RBMS1: variants seen among roughly 807,000 people sequenced by gnomAD.
RBMS1 encodes RNA binding motif single stranded interacting protein 1, also known as RNA-binding motif, single-stranded-interacting protein 1.
Under a neutral mutation model 62.3 loss-of-function variants are expected in RBMS1, and 17 were observed. The observed-to-expected ratio is 0.27, with a 90% CI of 0.19 to 0.41. The LOEUF is 0.41. Among genes scored for constraint, RBMS1 ranks in the 10% least tolerant of loss-of-function variants. The probability of loss-of-function intolerance (pLI) is 1.00; values close to 1 mark genes in which losing one functional copy is unlikely to be tolerated. For missense variants in RBMS1, 334 were observed against 504.5 expected (o/e 0.66, Z 3.24); for synonymous variants, 172 against 170.0 (o/e 1.01, Z -0.09).
chr2:160,381,686 GAA>G (rs1694293101), intron 1 of RBMS1, among the ~76,000 whole-genome samples: 1 of 152,170 alleles, frequency 6.6e-6, no homozygotes, highest in South Asian at 2.1e-4. Flanking sequence ...GTTTGATAGA[GAA>G]CTACTCTATG....
chr2:160,287,923 T>A (rs1688487768), intron 6 of RBMS1, among the ~76,000 whole-genome samples: 1 of 150,452 alleles, frequency 6.6e-6, no homozygotes, highest in Admixed American at 6.6e-5. Flanking sequence ...CTATATTACT[T>A]ATAATATATA....
At chr2:160,352,818 G>A (rs1392437156) in intron 2 of RBMS1, among the ~76,000 whole-genome samples, 1 of 152,024 alleles carries the variant, frequency 6.6e-6, no homozygotes, top group Admixed American at 6.6e-5. Context: ...TGCCTACCGC[G>A]TTGCATCATG....
chr2:160,436,103 A>G (rs980161724), intron 1 of RBMS1, among the ~76,000 whole-genome samples: 4 of 152,232 alleles, frequency 2.6e-5, no homozygotes, highest in African/African-American at 9.6e-5. Flanking sequence ...TAACTGTGAT[A>G]GATAATCTCC....
intron 1 of RBMS1, among the ~76,000 whole-genome samples, chr2:160,443,055 A>T (rs1683476591): frequency 6.6e-6 from 1 of 151,932 alleles, no homozygotes; most frequent in Non-Finnish European, 1.5e-5. Context: ...AAAATACAAA[A>T]ATTAGCCGGG....
chr2:160,436,957 C>G (rs978550630), intron 1 of RBMS1, among the ~76,000 whole-genome samples: 1 of 152,066 alleles, frequency 6.6e-6, no homozygotes, highest in Admixed American at 6.5e-5. Context: ...GGTCTTTATA[C>G]AGAAATTTGA....
chr2:160,356,242 G>A (rs1287229236), intron 2 of RBMS1, among the ~76,000 whole-genome samples: 1 of 152,010 alleles, frequency 6.6e-6, no homozygotes, highest in Admixed American at 6.6e-5. Context: ...ATGCTAAAAG[G>A]GATTATTTTG....
At chr2:160,376,032 C>T (rs1456936162) in intron 1 of RBMS1, among the ~76,000 whole-genome samples, 1 of 152,134 alleles carries the variant, frequency 6.6e-6, no homozygotes, top group African/African-American at 2.4e-5. Flanking sequence ...ACAACTTCCT[C>T]CCAGCTGTTT....
At chr2:160,392,561 T>A (rs1694921739) in intron 1 of RBMS1, among the ~76,000 whole-genome samples, 1 of 152,062 alleles carries the variant, frequency 6.6e-6, no homozygotes, top group South Asian at 2.1e-4. Flanking sequence ...TTGTCAATAA[T>A]CCCAATTCCA....
At chr2:160,469,656 G>T (rs150055411) in intron 1 of RBMS1, among the ~76,000 whole-genome samples, 22 of 152,198 alleles carry the variant, frequency 1.4e-4, no homozygotes, top group African/African-American at 5.3e-4. Flanking sequence ...TTCCTCTCAG[G>T]ACTTTATTGG....
intron 1 of RBMS1, among the ~76,000 whole-genome samples, chr2:160,413,882 T>C (rs1377360861): frequency 3.3e-5 from 5 of 152,136 alleles, no homozygotes; most frequent in Non-Finnish European, 5.9e-5. Context: ...CATAGTAGAG[T>C]TGGGGTTTGA....
rs191160723 is a variant in RBMS1, at chr2:160,288,017, T to C, written c.641-933A>G. Among the ~76,000 whole-genome samples, 18 of 148,754 alleles carry C rather than the reference T, an allele frequency of 1.2e-4. No individual in the cohort carries two copies. In the Admixed American group the frequency reaches 1.3e-3, roughly 10 times the overall value. On this transcript the variant is annotated intron_variant, in intron 6 of 13. Coordinates refer to ENST00000348849, the MANE Select transcript of RBMS1 (RefSeq NM_016836.4). ...AGAAAAGCAGAAGATGTAGAGAATATTTTCAAAGATATATACTCATTAGAG... is the reference window on the plus strand; with the variant it reads ...AGAAAAGCAGAAGATGTAGAGAATACTTTCAAAGATATATACTCATTAGAG...
At chr2:160,289,981 G>A (rs1688597213) in intron 6 of RBMS1, among the ~76,000 whole-genome samples, 1 of 148,596 alleles carries the variant, frequency 6.7e-6, no homozygotes, top group African/African-American at 2.5e-5. Context: ...ATGATGTTGA[G>A]CAAGGGTTAG....
chr2:160,383,820 A>G (rs917122062), intron 1 of RBMS1, among the ~76,000 whole-genome samples: 8 of 152,210 alleles, frequency 5.3e-5, no homozygotes, highest in African/African-American at 1.9e-4. Flanking sequence ...GATCCAGATA[A>G]CAACTAATAG....
chr2:160,318,941 T>C (rs1274186229), intron 2 of RBMS1, among the ~76,000 whole-genome samples: 1 of 152,184 alleles, frequency 6.6e-6, no homozygotes, highest in Non-Finnish European at 1.5e-5. Context: ...TAAGAATTAA[T>C]CAGGGATTAA....
At chr2:160,361,268 C>T (rs1693112483) in intron 2 of RBMS1, among the ~76,000 whole-genome samples, 1 of 152,210 alleles carries the variant, frequency 6.6e-6, no homozygotes, top group Admixed American at 6.5e-5. Context: ...CTTTAAGATA[C>T]CCGGCCTTGG....
At chr2:160,430,336 A>C (rs1310451650) in intron 1 of RBMS1, among the ~76,000 whole-genome samples, 1 of 152,246 alleles carries the variant, frequency 6.6e-6, no homozygotes, top group Non-Finnish European at 1.5e-5. Flanking sequence ...ACTAGTAAAT[A>C]TGTTTGTATC....
chr2:160,298,684 TCTC>T (rs1689063567), intron 6 of RBMS1, among the ~76,000 whole-genome samples: 1 of 151,830 alleles, frequency 6.6e-6, no homozygotes, highest in African/African-American at 2.4e-5. Flanking sequence ...GAGGGGAAAT[TCTC>T]CAGATGGGGT....
intron 2 of RBMS1, among the ~76,000 whole-genome samples, chr2:160,343,227 T>C (rs1691978957): frequency 6.6e-6 from 1 of 152,216 alleles, no homozygotes; most frequent in Non-Finnish European, 1.5e-5. Flanking sequence ...AGACTTCTAG[T>C]GAATATTTCT....
intron 1 of RBMS1, among the ~76,000 whole-genome samples, chr2:160,426,309 G>GAAA (rs1682611358): frequency 2.9e-5 from 2 of 70,100 alleles, no homozygotes; most frequent in Admixed American, 1.2e-4. Flanking sequence ...AAGGAAGGAA[G>GAAA]GAAGGAAGGA....
Sources: gnomAD v4.1 joint callset for allele counts (sites outside exome capture counted in the v4.1 genomes callset) on GRCh38, gnomAD v4.1.1 for gene constraint, MANE v1.5 for transcripts, NCBI Gene and HGNC (gene_info 2026-07-23, HGNC 2026-07-21) for gene names.